Variants in CTXND1 observed in about 807,000 individuals in gnomAD.
CTXND1 encodes cortexin domain containing 1.
chr15:80,239,808 C>A (rs1018424049), intron 1 of CTXND1, among the ~76,000 whole-genome samples: 1 of 152,192 alleles, frequency 6.6e-6, no homozygotes, highest in African/African-American at 2.4e-5. Context: ...CTCAGGCTCA[C>A]TCAAGCCTCC....
At chr15:80,231,082 G>T (rs1893423139) in intron 1 of CTXND1, among the ~76,000 whole-genome samples, 1 of 151,854 alleles carries the variant, frequency 6.6e-6, no homozygotes, top group Admixed American at 6.6e-5. Flanking sequence ...AAAGTGTGTT[G>T]CTTAATTTCC....
At chr15:80,220,374 G>A (rs906374103) in intron 1 of CTXND1, among the ~76,000 whole-genome samples, 9 of 152,096 alleles carry the variant, frequency 5.9e-5, no homozygotes, top group African/African-American at 1.9e-4. Context: ...ATCTACATGA[G>A]TTCATTTCTG....
At chr15:80,231,426 C>A (rs1362847588) in intron 1 of CTXND1, among the ~76,000 whole-genome samples, 5 of 151,978 alleles carry the variant, frequency 3.3e-5, no homozygotes, top group Non-Finnish European at 7.4e-5. Flanking sequence ...GAAAAAACTT[C>A]TCCTGTGTCA....
chr15:80,234,426 A>C (rs1426713908), intron 1 of CTXND1, among the ~76,000 whole-genome samples: 2 of 151,602 alleles, frequency 1.3e-5, no homozygotes, highest in African/African-American at 4.8e-5. Context: ...GCTGTGTATT[A>C]TACACAGCAT....
chr15:80,251,232 T>C (rs551857277), intron 1 of CTXND1, among the ~76,000 whole-genome samples: 53 of 152,268 alleles, frequency 3.5e-4, no homozygotes, highest in African/African-American at 1.3e-3. Context: ...TCCAGAACTT[T>C]TGCTGCGGGC....
chr15:80,225,434 T>C (rs998700469), intron 1 of CTXND1, among the ~76,000 whole-genome samples: 6 of 152,232 alleles, frequency 3.9e-5, no homozygotes, highest in African/African-American at 1.4e-4. Flanking sequence ...TCCCCTTTTT[T>C]CCCCACCATT....
intron 1 of CTXND1, among the ~76,000 whole-genome samples, chr15:80,248,571 C>G (rs904493652): frequency 6.6e-6 from 1 of 152,174 alleles, no homozygotes; most frequent in South Asian, 2.1e-4. Context: ...CGTTCTGGCT[C>G]CATGGGAAAG....
chr15:80,225,737 A>G (rs16971852), intron 1 of CTXND1, among the ~76,000 whole-genome samples: 11,250 of 152,246 alleles, frequency 0.074, 592 homozygotes, highest in Admixed American at 0.12. Flanking sequence ...CTATCACTCC[A>G]TAAAATCAGT....
chr15:80,243,040 G>A (rs1170584261), intron 1 of CTXND1, among the ~76,000 whole-genome samples: 3 of 152,132 alleles, frequency 2.0e-5, no homozygotes, highest in African/African-American at 7.2e-5. Flanking sequence ...CTGCAGCTTC[G>A]GTCTGCCAAC....
At chr15:80,204,211 T>TATATATAC (rs34959327) in intron 1 of CTXND1, among the ~76,000 whole-genome samples, 1 of 89,228 alleles carries the variant, frequency 1.1e-5, no homozygotes, top group African/African-American at 4.5e-5. Flanking sequence ...CACAAACACA[T>TATATATAC]ACACACATGC....
At chr15:80,235,650 T>C (rs1893486808) in intron 1 of CTXND1, among the ~76,000 whole-genome samples, 1 of 152,052 alleles carries the variant, frequency 6.6e-6, no homozygotes, top group South Asian at 2.1e-4. Flanking sequence ...TCCTGGGCTG[T>C]TGCTCTTGGC....
chr15:80,201,740 G>A lies in CTXND1; in HGVS notation c.*30C>T, dbSNP rs1189570703. 4 of 398,590 alleles carry A rather than the reference G, an allele frequency of 1.0e-5. No homozygotes were observed. The highest frequency in any genetic ancestry group is 3.6e-5 in the East Asian group (1 of 28,090). The allele number at this position is 398,590 out of a possible 1,614,324, so 24.7% of individuals were successfully genotyped here. A position where few individuals can be genotyped will look rare whatever the true frequency, so the allele number is the denominator to read the frequency against. On this transcript the variant is annotated 3_prime_UTR_variant, in exon 3 of 3. Coordinates refer to ENST00000560778, the MANE Select transcript of CTXND1 (RefSeq NM_001352888.2). ...CCTGGGGCACAGCCACCCACAGAGC[G>A]CCAGGTCCAGTCCCCACAGCCGCTG...
intron 1 of CTXND1, among the ~76,000 whole-genome samples, chr15:80,251,177 C>T (rs962924257): frequency 1.3e-5 from 2 of 152,196 alleles, no homozygotes; most frequent in Non-Finnish European, 2.9e-5. Flanking sequence ...CTATTGCACG[C>T]CTGGTGAGGC....
intron 1 of CTXND1, among the ~76,000 whole-genome samples, chr15:80,241,339 C>T (rs978170614): frequency 1.3e-5 from 2 of 152,028 alleles, no homozygotes; most frequent in Non-Finnish European, 2.9e-5. Context: ...ATATATTATT[C>T]TCCAAACGCT....
At position 80,201,914 on chromosome 15, in the gene CTXND1, G is replaced by A. The variant is rs11637194; in HGVS notation, c.36C>T (p.Asp12=). 0.67 allele frequency: 265,477 copies of A among 398,598 alleles called. 89,623 individuals carry two copies. The highest frequency in any genetic ancestry group is 0.86 in the East Asian group (24,117 of 28,066). The allele number at this position is 398,598 out of a possible 1,614,324, so 24.7% of individuals were successfully genotyped here. A position where few individuals can be genotyped will look rare whatever the true frequency, so the allele number is the denominator to read the frequency against. The stretch of plus-strand genomic sequence containing the variant: ...AGGCCAAGGTCAGCCCTTTGTCTAC[G>A]TCGACATAGACGGGCTCGGGCGTGG... ...EEPTPEPVYV[D]VDKGLTLACF... Residue 12 remains aspartate, a synonymous_variant, in exon 3 of 3, where the codon GAC becomes GAT. Coordinates refer to ENST00000560778, the MANE Select transcript of CTXND1 (RefSeq NM_001352888.2).
At chr15:80,241,470 C>G in intron 1 of CTXND1, among the ~76,000 whole-genome samples, 1 of 152,246 alleles carries the variant, frequency 6.6e-6, no homozygotes, top group Non-Finnish European at 1.5e-5. Flanking sequence ...GTATCACCTG[C>G]TATGATCTGA....
intron 1 of CTXND1, among the ~76,000 whole-genome samples, chr15:80,237,139 T>TC (rs1302224797): frequency 4.6e-5 from 7 of 151,842 alleles, no homozygotes; most frequent in Non-Finnish European, 1.0e-4. Flanking sequence ...ATAGAGACCA[T>TC]CCTGGCTAAC....
intron 1 of CTXND1, among the ~76,000 whole-genome samples, chr15:80,238,642 G>T (rs796417620): frequency 5.3e-5 from 8 of 152,082 alleles, no homozygotes; most frequent in African/African-American, 1.7e-4. Context: ...CCGCCTCCAC[G>T]CCCAGCTAAT....
chr15:80,223,812 C>CAAAA (rs5814006), intron 1 of CTXND1, among the ~76,000 whole-genome samples: 1 of 141,248 alleles, frequency 7.1e-6, no homozygotes. Context: ...GCTTTTTGGC[C>CAAAA]AAAAAAAAAA....
Sources: gnomAD v4.1 joint callset for allele counts (sites outside exome capture counted in the v4.1 genomes callset) on GRCh38, gnomAD v4.1.1 for gene constraint, MANE v1.5 for transcripts, NCBI Gene and HGNC (gene_info 2026-07-23, HGNC 2026-07-21) for gene names.